AKR1C3: variants seen among roughly 807,000 people sequenced by gnomAD.
AKR1C3 encodes 3-alpha hydroxysteroid dehydrogenase, type II.
In AKR1C3, 48 loss-of-function variants were observed where a neutral mutation model predicts 43.6. The ratio of observed to expected loss-of-function variants is 1.10; its 90% CI spans 0.87 to 1.40. AKR1C3 has a LOEUF of 1.40. AKR1C3 is among the 40% of genes most tolerant of loss of function. The probability of loss-of-function intolerance (pLI) is 0.00; values close to 1 mark genes in which losing one functional copy is unlikely to be tolerated. For missense variants in AKR1C3, 482 were observed against 391.2 expected (o/e 1.23, Z -1.96); for synonymous variants, 162 against 139.6 (o/e 1.16, Z -1.13).
At chr10:5,064,938 A>G (rs550307019) in intron 1 of AKR1C3, among the ~76,000 whole-genome samples, 1 of 152,026 alleles carries the variant, frequency 6.6e-6, no homozygotes, top group South Asian at 2.1e-4. Context: ...AAAAAATTAA[A>G]AAGTGGGGAA....
chr10:5,075,577 CCATTTG>C lies in AKR1C3; in HGVS notation c.85-20832_85-20827del, dbSNP rs369624864. Among the ~76,000 whole-genome samples, 944 of 152,150 alleles carry C rather than the reference CCATTTG, an allele frequency of 6.2e-3. 10 individuals carry two copies. The highest frequency in any genetic ancestry group is 0.021 in the African/African-American group (869 of 41,504). On this transcript the variant is annotated intron_variant, in intron 1 of 8. Transcript: ENST00000439082. ...AGGGAATTTGTCATGTGGAAAAAAG[CCATTTG>C]TCAAGGAATGGCCAGGCATTGTGGC...
chr10:5,066,331 T>A (rs1209274331), intron 1 of AKR1C3, among the ~76,000 whole-genome samples: 1 of 152,162 alleles, frequency 6.6e-6, no homozygotes, highest in Non-Finnish European at 1.5e-5. Flanking sequence ...AAATTTCCCC[T>A]TTTTGATCAG....
intron 1 of AKR1C3, among the ~76,000 whole-genome samples, chr10:5,062,854 T>TAA (rs57602420): frequency 0.15 from 20,908 of 138,342 alleles, 1,840 homozygotes; most frequent in Admixed American, 0.24. Flanking sequence ...AACTCCTAGT[T>TAA]AAAAAAAAAA....
At chr10:5,085,596 A>T (rs190071243) in intron 1 of AKR1C3, among the ~76,000 whole-genome samples, 2 of 151,930 alleles carry the variant, frequency 1.3e-5, no homozygotes, top group African/African-American at 4.8e-5. Flanking sequence ...TCATTAAATG[A>T]GTTAGGGAGG....
chr10:5,063,765 CAAAAAAAAAAA>C (rs71391987), intron 1 of AKR1C3, among the ~76,000 whole-genome samples: 1 of 46,426 alleles, frequency 2.2e-5, no homozygotes, highest in Non-Finnish European at 3.8e-5. Flanking sequence ...TCTGTCTCAG[CAAAAAAAAAAA>C]AAAAAAAAAA....
intron 8 of AKR1C3, among the ~76,000 whole-genome samples, chr10:5,107,193 C>T (rs111495161): frequency 0.018 from 2,752 of 152,260 alleles, 34 homozygotes; most frequent in Middle Eastern, 0.031. Context: ...AGTATCTCTG[C>T]TCTGCTGACA....
chr10:5,062,728 C>T (rs1333191582), intron 1 of AKR1C3, among the ~76,000 whole-genome samples: 1 of 151,844 alleles, frequency 6.6e-6, no homozygotes, highest in Admixed American at 6.6e-5. Context: ...ATTTCTTTAG[C>T]AAGCATAACA....
upstream of AKR1C3, among the ~76,000 whole-genome samples, chr10:5,089,906 C>A (rs1317071318): frequency 6.6e-6 from 1 of 152,046 alleles, no homozygotes; most frequent in African/African-American, 2.4e-5. Flanking sequence ...GAATTCTTTT[C>A]TCTATTTTTG....
chr10:5,072,389 T>G (rs1482642863), intron 1 of AKR1C3, among the ~76,000 whole-genome samples: 2 of 152,220 alleles, frequency 1.3e-5, no homozygotes, highest in East Asian at 3.9e-4. Context: ...GAGTTTTTCC[T>G]GTTGCCAATA....
chr10:5,107,562 G>A lies in AKR1C3; in HGVS notation c.*59G>A, dbSNP rs587659219. 15 of 1,380,792 alleles carry A rather than the reference G, an allele frequency of 1.1e-5. No individual in the cohort carries two copies. Among genetic ancestry groups the A allele is most frequent in the Admixed American group, 1.8e-5 (1 of 56,932 alleles). The allele number at this position is 1,380,792 out of a possible 1,614,324, so 85.5% of individuals were successfully genotyped here. On this transcript the variant is annotated 3_prime_UTR_variant, in exon 9 of 9. Coordinates refer to ENST00000380554, the MANE Select transcript of AKR1C3 (RefSeq NM_003739.6). ...CCTGTGTGTGGATGGTGACGCAGAGGACGTCTCTATGCCGGTGACTGGACA... is the reference window on the plus strand; with the variant it reads ...CCTGTGTGTGGATGGTGACGCAGAGAACGTCTCTATGCCGGTGACTGGACA...
rs1554778911 is a variant in AKR1C3 at position 5,051,459 on chromosome 10, G to A, written c.84+2564G>A. On this transcript the variant is annotated intron_variant, in intron 1 of 8. Coordinates refer to the AKR1C3 transcript ENST00000439082. ...GTAGAATTGAATAATTTATTATTTT[G>A]ATAATACAGATACTATAAAGTCATG... 3.9e-5 allele frequency among the ~76,000 whole-genome samples: 6 copies of A among 152,150 alleles called. No homozygotes were observed. The South Asian group carries it at 1.2e-3, about 32-fold the overall frequency.
chr10:5,105,338 GTTTCTTCTCCAT>G (rs1554786993), intron 7 of AKR1C3: 2 of 294,854 alleles, frequency 6.8e-6, no homozygotes, highest in Non-Finnish European at 6.3e-6. Flanking sequence ...TGTCAGCGCT[GTTTCTTCTCCAT>G]TTTCTGTTGA....
rs373113927 is a variant in AKR1C3, at chr10:5,096,433, G to T, written c.108G>T (p.Glu36Asp). Residue 36 changes from glutamate to aspartate, a missense_variant, in exon 2 of 9, where the codon GAG becomes GAT. By Grantham distance (45) the Glu-to-Asp change is conservative. Transcript: ENST00000380554. ...AGGTTCCGAGAAGTAAAGCTTTGGA[G>T]GTCACAAAATTAGCAATAGAAGCTG... is the stretch of plus-strand genomic sequence containing the variant. ...PPEVPRSKAL[E>D]VTKLAIEAGF... The T allele has an allele frequency of 6.2e-7, 1 of 1,613,298 alleles. No homozygotes were observed. The highest frequency in any genetic ancestry group is 1.3e-5 in the African/African-American group (1 of 74,850).
chr10:5,083,410 TCA>T (rs1276425311), intron 1 of AKR1C3, among the ~76,000 whole-genome samples: 3 of 152,188 alleles, frequency 2.0e-5, no homozygotes, highest in Non-Finnish European at 4.4e-5. Context: ...CATGAACTCA[TCA>T]TTTTTTATGG....
chr10:5,104,305 G>A lies in AKR1C3; in HGVS notation c.847-1290G>A, dbSNP rs915140650. On this transcript the variant is annotated intron_variant, in intron 7 of 8. Coordinates refer to ENST00000380554, the MANE Select transcript of AKR1C3 (RefSeq NM_003739.6). ...CTAAGTAAAATAAAAACCCAAATAT[G>A]CACATGGAATTTCTAAATTGATATC... Among the ~76,000 whole-genome samples the A allele has an allele frequency of 3.3e-5, 5 of 152,026 alleles. No individual in the cohort carries two copies. In the East Asian group the frequency reaches 9.6e-4, roughly 29 times the overall value.
intron 3 of AKR1C3, chr10:5,098,240 A>G (rs936267218): frequency 4.2e-6 from 4 of 949,504 alleles, no homozygotes; most frequent in Admixed American, 1.2e-4. Context: ...GTCTATTCTT[A>G]TCTCTAAACT....
intron 1 of AKR1C3, among the ~76,000 whole-genome samples, chr10:5,057,642 C>T (rs1838290246): frequency 2.6e-5 from 4 of 152,146 alleles, no homozygotes; most frequent in Admixed American, 1.3e-4. Context: ...TTTTCTAATT[C>T]TCCTTAGTCC....
At chr10:5,090,398 G>C (rs1163726448), upstream of AKR1C3, among the ~76,000 whole-genome samples, 4 of 152,050 alleles carry the variant, frequency 2.6e-5, no homozygotes, top group Non-Finnish European at 5.9e-5. Flanking sequence ...ATACATCCCT[G>C]TCTTGGGCCT....
chr10:5,099,492 C>A (rs782312562), intron 5 of AKR1C3, 43 bp downstream of exon 5: 1 of 1,613,534 alleles, frequency 6.2e-7, no homozygotes, highest in South Asian at 1.1e-5. Flanking sequence ...CTTCATGCCC[C>A]CTCTTCCTGT....
Sources: allele counts gnomAD v4.1 joint callset (sites outside exome capture counted in the v4.1 genomes callset), GRCh38; gene constraint gnomAD v4.1.1; transcripts MANE v1.5; gene names NCBI Gene and HGNC (gene_info 2026-07-23, HGNC 2026-07-21).